KCNJ1: variants seen among roughly 807,000 people sequenced by gnomAD.
The protein encoded by KCNJ1 is potassium inwardly rectifying channel subfamily J member 1.
KCNJ1 carries 24 observed loss-of-function variants against 21.9 expected under a neutral mutation model. The observed-to-expected ratio is 1.10, with a 90% CI of 0.79 to 1.54. The LOEUF is 1.54. KCNJ1 is among the 40% of genes most tolerant of loss of function. KCNJ1 has a pLI of 0.00. For missense variants in KCNJ1, 457 were observed against 455.4 expected (o/e 1.00, Z -0.03); for synonymous variants, 152 against 160.9 (o/e 0.94, Z 0.42).
At chr11:128,856,668 T>C (rs1305856900) in intron 1 of KCNJ1, among the ~76,000 whole-genome samples, 1 of 152,238 alleles carries the variant, frequency 6.6e-6, no homozygotes, top group Admixed American at 6.5e-5. Context: ...TCCTCAGCCC[T>C]GTCAATGGCA....
Position 128,859,757 on chromosome 11 carries a change from C to T in KCNJ1, c.-192+7416G>A, listed in dbSNP as rs186215303. Reference sequence around the variant, plus strand: ...CTCTCAGGGCATCTGTAGTGGGAGCCGCCTGTGCTGGGCACTGGGGTACGG... The same window carrying T: ...CTCTCAGGGCATCTGTAGTGGGAGCTGCCTGTGCTGGGCACTGGGGTACGG... On this transcript the variant is annotated intron_variant, in intron 1 of 2. Coordinates refer to ENST00000392666, the MANE Select transcript of KCNJ1 (RefSeq NM_153766.3). Among the ~76,000 whole-genome samples the T allele has an allele frequency of 5.7e-3, 862 of 152,294 alleles. 5 individuals carry two copies. Among genetic ancestry groups the T allele is most frequent in the Non-Finnish European group, 9.1e-3 (620 of 68,026 alleles).
intron 1 of KCNJ1, among the ~76,000 whole-genome samples, chr11:128,855,267 T>C (rs1364421152): frequency 6.6e-6 from 1 of 152,186 alleles, no homozygotes; most frequent in Non-Finnish European, 1.5e-5. Context: ...GTACCCATTT[T>C]CAGTGATGGG....
At chr11:128,863,859 T>C (rs139468462) in intron 1 of KCNJ1, among the ~76,000 whole-genome samples, 2 of 152,260 alleles carry the variant, frequency 1.3e-5, no homozygotes, top group Middle Eastern at 3.4e-3. Context: ...AGGAGTTTCA[T>C]GTGTAAGAGC....
Position 128,839,186 on chromosome 11 carries a change from C to A in KCNJ1, c.1058G>T (p.Gly353Val). The A allele has an allele frequency of 3.1e-6, 5 of 1,614,176 alleles. No individual in the cohort carries two copies. Among genetic ancestry groups the A allele is most frequent in the Non-Finnish European group, 4.2e-6 (5 of 1,180,016 alleles). ...CAAGATGAAGTTGGGGTTGTCATAG[C>A]CTCTCTTCATCCTGGCTCTAACATC... ...EKDVRARMKR[G>V]YDNPNFILSE... The change falls in exon 3 of 3, where the codon GGC becomes GTC. Residue 353 changes from glycine (G) to valine (V), a missense_variant. Gly to Val is a moderately radical substitution (Grantham distance 109, BLOSUM62 -3). Coordinates refer to ENST00000392666, the MANE Select transcript of KCNJ1 (RefSeq NM_153766.3).
intron 2 of KCNJ1, 65 bp from the exon 3 acceptor site, chr11:128,840,329 C>T: frequency 1.4e-6 from 2 of 1,466,574 alleles, no homozygotes; most frequent in South Asian, 1.1e-5. Context: ...CTAGGTGACC[C>T]ACATGAAAGA....
chr11:128,863,670 CT>C (rs778207324), intron 1 of KCNJ1, among the ~76,000 whole-genome samples: 2 of 152,106 alleles, frequency 1.3e-5, no homozygotes, highest in Non-Finnish European at 2.9e-5. Flanking sequence ...TTTCAATGCT[CT>C]GGTTTTAAAT....
In KCNJ1 at chr11:128,838,835, G is replaced by A; in HGVS notation, c.*290C>T. 2.5e-6 allele frequency: 1 copy of A among 395,714 alleles called. No individual in the cohort carries two copies. The highest frequency in any genetic ancestry group is 4.2e-5 in the Admixed American group (1 of 23,660). 24.5% of individuals were successfully genotyped at this position (395,714 alleles called of 1,614,324 possible). On this transcript the variant is annotated 3_prime_UTR_variant, in exon 3 of 3. Coordinates refer to ENST00000392666, the MANE Select transcript of KCNJ1 (RefSeq NM_153766.3). ...CATGAAACTTTTGATAATTTTATCT[G>A]CTCCAATCCACCTTATATGAGCTCA... is the stretch of plus-strand genomic sequence containing the variant.
chr11:128,839,936 A>T lies in KCNJ1; in HGVS notation c.308T>A (p.Val103Glu), dbSNP rs766131330. 8.1e-6 allele frequency: 13 copies of T among 1,613,922 alleles called. No individual in the cohort carries two copies. Among genetic ancestry groups the T allele is most frequent in the Non-Finnish European group, 1.1e-5 (13 of 1,179,912 alleles). The change falls in exon 3 of 3, where the codon GTG (valine) becomes GAG (glutamate). Residue 103 changes from valine (V) to glutamate (E), a missense_variant. Coordinates refer to ENST00000392666, the MANE Select transcript of KCNJ1 (RefSeq NM_153766.3). ...TGAGGTCAAGCCATTAATATTCTCCACACAGGGAGTGTGATTGGCAGAAGG... is the reference window on the plus strand; with the variant it reads ...TGAGGTCAAGCCATTAATATTCTCCTCACAGGGAGTGTGATTGGCAGAAGG... ...FHPSANHTPCVENINGLTSAF... is the reference protein window; with the variant it reads ...FHPSANHTPCEENINGLTSAF...
chr11:128,839,023 T>A lies in KCNJ1; in HGVS notation c.*102A>T. Reference sequence around the variant, plus strand: ...CTTTGTGCTGGTAGACTTTGAAGGCTCTCATCCTACTTTCGTACCCCTAAA... The same window carrying A: ...CTTTGTGCTGGTAGACTTTGAAGGCACTCATCCTACTTTCGTACCCCTAAA... On this transcript the variant is annotated 3_prime_UTR_variant, in exon 3 of 3. Coordinates refer to ENST00000392666, the MANE Select transcript of KCNJ1 (RefSeq NM_153766.3). 9.6e-7 allele frequency: 1 copy of A among 1,037,706 alleles called. No homozygotes were observed. The highest frequency in any genetic ancestry group is 1.3e-5 in the South Asian group (1 of 74,622). 64.3% of individuals were successfully genotyped at this position (1,037,706 alleles called of 1,614,324 possible). A position where few individuals can be genotyped will look rare whatever the true frequency, so the allele number is the denominator to read the frequency against.
intron 2 of KCNJ1, among the ~76,000 whole-genome samples, chr11:128,841,442 TG>T (rs1943279814): frequency 6.6e-6 from 1 of 152,150 alleles, no homozygotes; most frequent in African/African-American, 2.4e-5. Flanking sequence ...TACAGCAAAA[TG>T]GTGAAGGGCC....
In KCNJ1 at chr11:128,862,505, TC is replaced by T. The variant is rs1365132301; in HGVS notation, c.-192+4667del. 5.3e-5 allele frequency among the ~76,000 whole-genome samples: 8 copies of T among 151,918 alleles called. No homozygotes were observed. In the East Asian group the frequency reaches 1.2e-3, roughly 22 times the overall value. Reference sequence around the variant, plus strand: ...GCCCTGTGTCCTACCGCCCCCTCCATCCCCCCCGGGGCTGCCCTAGAAGCAG... The same window carrying T: ...GCCCTGTGTCCTACCGCCCCCTCCATCCCCCCGGGGCTGCCCTAGAAGCAG... On this transcript the variant is annotated intron_variant, in intron 1 of 2. Coordinates refer to ENST00000392666, the MANE Select transcript of KCNJ1 (RefSeq NM_153766.3).
At chr11:128,856,247 G>C (rs978438653) in intron 1 of KCNJ1, among the ~76,000 whole-genome samples, 2 of 134,750 alleles carry the variant, frequency 1.5e-5, no homozygotes, top group African/African-American at 5.3e-5. Flanking sequence ...ATGGAATGAT[G>C]AGATTAGGTT....
At position 128,847,869 on chromosome 11, in the gene KCNJ1, A is replaced by T. The variant is rs111705405; in HGVS notation, c.-22+2852T>A. ...TTTCATTTCTTTTCTTTTGTTTCTT[A>T]TTTGTTTATTTATTTTTGAGACAGG... On this transcript the variant is annotated intron_variant, in intron 2 of 2. Transcript: ENST00000392666. 7.8e-3 allele frequency among the ~76,000 whole-genome samples: 1,189 copies of T among 151,988 alleles called. 9 individuals carry two copies. The highest frequency in any genetic ancestry group is 0.013 in the Non-Finnish European group (898 of 67,918).
chr11:128,853,398 A>G (rs1199817487), intron 1 of KCNJ1, among the ~76,000 whole-genome samples: 1 of 152,260 alleles, frequency 6.6e-6, no homozygotes. Flanking sequence ...ACATTTGGCC[A>G]GTGAAAGAGG....
chr11:128,841,970 C>T (rs1210726230), intron 2 of KCNJ1, among the ~76,000 whole-genome samples: 2 of 152,204 alleles, frequency 1.3e-5, no homozygotes, highest in Non-Finnish European at 2.9e-5. Context: ...ATGGTCTTCT[C>T]CTTTCCTTGT....
chr11:128,840,023 A>G lies in KCNJ1; in HGVS notation c.221T>C (p.Phe74Ser), dbSNP rs1343747096. ...TGCATACCACAGGAGACCAAAGAAA[A>G]ACCAACTCCCCAAGAAGGCTGTGAT... Reference protein sequence around the residue: ...IFITAFLGSWFFFGLLWYAVA... With the variant: ...IFITAFLGSWSFFGLLWYAVA... The change falls in exon 3 of 3, where the codon TTT becomes TCT. Residue 74 changes from phenylalanine to serine, a missense_variant. Transcript: ENST00000392666. The G allele has an allele frequency of 6.2e-7, 1 of 1,613,966 alleles. No individual in the cohort carries two copies.
At chr11:128,858,993 G>C (rs1474069289) in intron 1 of KCNJ1, among the ~76,000 whole-genome samples, 2 of 152,186 alleles carry the variant, frequency 1.3e-5, no homozygotes, top group African/African-American at 2.4e-5. Flanking sequence ...TGTGATTGAA[G>C]GCACATAAGG....
At chr11:128,858,099 AGATGGGGAGG>A (rs1943621017) in intron 1 of KCNJ1, among the ~76,000 whole-genome samples, 1 of 136,774 alleles carries the variant, frequency 7.3e-6, no homozygotes, top group African/African-American at 2.8e-5. Flanking sequence ...CGATGGCGAG[AGATGGGGAGG>A]GATGGGGCAG....
At chr11:128,850,267 G>A (rs951466734) in intron 2 of KCNJ1, among the ~76,000 whole-genome samples, 3 of 152,070 alleles carry the variant, frequency 2.0e-5, no homozygotes, top group Non-Finnish European at 4.4e-5. Context: ...TCTCAAAGAA[G>A]GAAGAAGATC....
Sources: gnomAD v4.1 joint callset for allele counts (sites outside exome capture counted in the v4.1 genomes callset) on GRCh38, gnomAD v4.1.1 for gene constraint, MANE v1.5 for transcripts, NCBI Gene and HGNC (gene_info 2026-07-23, HGNC 2026-07-21) for gene names.